SMAD9: variants seen among roughly 807,000 people sequenced by gnomAD.
SMAD9 encodes SMAD family member 9, also known as MAD homolog 9.
SMAD9 carries 36 observed loss-of-function variants against 46.1 expected under a neutral mutation model. The ratio of observed to expected loss-of-function variants is 0.78; its 90% CI spans 0.60 to 1.03. The LOEUF (loss-of-function observed/expected upper bound fraction) is 1.03. Among genes scored for constraint, SMAD9 ranks in the 50% least tolerant of loss-of-function variants. The pLI, the probability that SMAD9 is intolerant of heterozygous loss-of-function variation, is 0.00. For missense variants in SMAD9, 572 were observed against 599.8 expected, an observed-to-expected ratio of 0.95 and a Z score of 0.48; for synonymous variants, 245 against 237.1, an observed-to-expected ratio of 1.03 and a Z score of -0.31.
chr13:36,903,925 A>G (rs538708716), intron 1 of SMAD9, among the ~76,000 whole-genome samples: 1 of 152,184 alleles, frequency 6.6e-6, no homozygotes, highest in Non-Finnish European at 1.5e-5. Context: ...TAAGAAACTC[A>G]TTAGTAATTT....
intron 2 of SMAD9, among the ~76,000 whole-genome samples, chr13:36,875,540 C>T (rs2058338092): frequency 6.6e-6 from 1 of 152,200 alleles, no homozygotes; most frequent in Non-Finnish European, 1.5e-5. Context: ...TTAAATTCCC[C>T]TTAATGTATT....
At chr13:36,901,420 G>A (rs1185149955) in intron 1 of SMAD9, among the ~76,000 whole-genome samples, 2 of 144,114 alleles carry the variant, frequency 1.4e-5, no homozygotes, top group Admixed American at 7.0e-5. Flanking sequence ...CTTCTTTTTT[G>A]TTTTTTGGGC....
intron 6 of SMAD9, chr13:36,849,754 C>T (rs1369678828): frequency 6.6e-6 from 1 of 152,184 alleles, no homozygotes; most frequent in East Asian, 1.9e-4. Flanking sequence ...ACATACTTGG[C>T]CTTTCTACCT....
At chr13:36,888,950 GAGA>G (rs748543557) in intron 1 of SMAD9, among the ~76,000 whole-genome samples, 12 of 152,280 alleles carry the variant, frequency 7.9e-5, no homozygotes, top group South Asian at 2.1e-4. Context: ...ATGGCCAGAG[GAGA>G]AGAAGGGTGG....
chr13:36,911,152 C>T (rs554795449), intron 1 of SMAD9, among the ~76,000 whole-genome samples: 14 of 152,148 alleles, frequency 9.2e-5, no homozygotes, highest in East Asian at 3.9e-4. Flanking sequence ...GCTACAGGCA[C>T]GCCCCACCAA....
intron 1 of SMAD9, among the ~76,000 whole-genome samples, chr13:36,911,441 GTCTA>G (rs1299938203): frequency 6.6e-6 from 1 of 152,090 alleles, no homozygotes; most frequent in Non-Finnish European, 1.5e-5. Flanking sequence ...CCTATGCATA[GTCTA>G]TCTACTTAAG....
chr13:36,871,329 C>A (rs1440863953), intron 3 of SMAD9, among the ~76,000 whole-genome samples: 4 of 152,080 alleles, frequency 2.6e-5, no homozygotes, highest in Non-Finnish European at 5.9e-5. Context: ...ACCAGCCTGG[C>A]CAACATGGTG....
At chr13:36,856,784 C>T (rs1181006088) in intron 5 of SMAD9, among the ~76,000 whole-genome samples, 1 of 150,188 alleles carries the variant, frequency 6.7e-6, no homozygotes, top group East Asian at 2.0e-4. Context: ...CAGGGTGAGG[C>T]CGGGTGACCT....
chr13:36,876,152 C>T (rs925163450), intron 2 of SMAD9, among the ~76,000 whole-genome samples: 2 of 151,616 alleles, frequency 1.3e-5, no homozygotes, highest in African/African-American at 4.9e-5. Context: ...TTTTAAACAC[C>T]ATGCTATCTT....
At chr13:36,884,670 G>C (rs1183635676) in intron 1 of SMAD9, among the ~76,000 whole-genome samples, 1 of 152,180 alleles carries the variant, frequency 6.6e-6, no homozygotes, top group Non-Finnish European at 1.5e-5. Flanking sequence ...TTTACTTTAA[G>C]TTGACGGTTT....
intron 1 of SMAD9, among the ~76,000 whole-genome samples, chr13:36,897,193 T>C (rs1261501022): frequency 6.6e-6 from 1 of 152,232 alleles, no homozygotes; most frequent in Non-Finnish European, 1.5e-5. Context: ...ATAATCAGGT[T>C]AAATCTCATC....
intron 1 of SMAD9, among the ~76,000 whole-genome samples, chr13:36,898,753 A>G (rs2058549909): frequency 6.6e-6 from 1 of 152,216 alleles, no homozygotes; most frequent in South Asian, 2.1e-4. Flanking sequence ...TCACCAAACT[A>G]GAAATAGAAG....
intron 3 of SMAD9, among the ~76,000 whole-genome samples, chr13:36,871,572 T>G (rs1005492686): frequency 6.6e-6 from 1 of 152,174 alleles, no homozygotes; most frequent in Non-Finnish European, 1.5e-5. Context: ...AATTTATTTA[T>G]TCAATAAGCA....
At chr13:36,886,256 G>A (rs2058443683) in intron 1 of SMAD9, among the ~76,000 whole-genome samples, 1 of 152,174 alleles carries the variant, frequency 6.6e-6, no homozygotes, top group Admixed American at 6.5e-5. Flanking sequence ...CCATAATCCC[G>A]CTCCCAAAGG....
At chr13:36,873,751 T>A (rs1442870172) in intron 2 of SMAD9, among the ~76,000 whole-genome samples, 4 of 152,070 alleles carry the variant, frequency 2.6e-5, no homozygotes, top group South Asian at 2.1e-4. Context: ...TAATCCCAGC[T>A]ATTCAGGAGG....
rs771904344 is a variant in SMAD9, at chr13:36,865,710, G to A, written c.830C>T (p.Ala277Val). Reference protein sequence around the residue: ...YEEPQHWCSVAYYELNNRVGE... With the variant: ...YEEPQHWCSVVYYELNNRVGE... Reference sequence around the variant, plus strand: ...AACTCGGTTGTTCAGTTCATAGTAGGCGACCGAGCACCAGTGCTGGGGCTC... The same window carrying A: ...AACTCGGTTGTTCAGTTCATAGTAGACGACCGAGCACCAGTGCTGGGGCTC... The change falls in exon 5 of 7, where the codon GCC becomes GTC. Residue 277 changes from alanine (A) to valine (V), a missense_variant. Transcript: ENST00000379826. 29 of 1,614,030 alleles carry A rather than the reference G, an allele frequency of 1.8e-5. No individual in the cohort carries two copies. Among genetic ancestry groups the A allele is most frequent in the Middle Eastern group, 1.6e-4 (1 of 6,084 alleles).
In SMAD9 at chr13:36,871,156, T is replaced by C. The variant is rs113045978; in HGVS notation, c.670+1502A>G. 2.3e-3 allele frequency among the ~76,000 whole-genome samples: 344 copies of C among 152,318 alleles called. 2 individuals are homozygous for C. The highest frequency in any genetic ancestry group is 7.9e-3 in the African/African-American group (330 of 41,552). ...GGCCCAGTGCCAGACACTTAGCAGG[T>C]GCTCAGTCATCACTTACTGAGTCAA... On this transcript the variant is annotated intron_variant, in intron 3 of 6. Coordinates refer to ENST00000379826, the MANE Select transcript of SMAD9 (RefSeq NM_001127217.3).
At chr13:36,885,243 CTTA>C (rs1306758814) in intron 1 of SMAD9, among the ~76,000 whole-genome samples, 1 of 152,144 alleles carries the variant, frequency 6.6e-6, no homozygotes, top group Non-Finnish European at 1.5e-5. Context: ...TTTATAATAA[CTTA>C]TTTATACTTT....
intron 3 of SMAD9, among the ~76,000 whole-genome samples, chr13:36,868,717 A>T (rs2138405208): frequency 6.6e-6 from 1 of 152,228 alleles, no homozygotes; most frequent in African/African-American, 2.4e-5. Context: ...TGGGTAACAA[A>T]ACAAGGCCCT....
Sources: gnomAD v4.1 joint callset for allele counts (sites outside exome capture counted in the v4.1 genomes callset) on GRCh38, gnomAD v4.1.1 for gene constraint, MANE v1.5 for transcripts, NCBI Gene and HGNC (gene_info 2026-07-23, HGNC 2026-07-21) for gene names.